Variants in ZNF875 observed in about 807,000 individuals in gnomAD.
ZNF875 encodes the protein HKR1, GLI-Kruppel zinc finger family member.
In ZNF875, 14 loss-of-function variants were observed where a neutral mutation model predicts 11.2. That is an observed-to-expected ratio of 1.26 (90% CI 0.83 to 1.96). The LOEUF (loss-of-function observed/expected upper bound fraction) is 1.96, where lower values mean the gene tolerates loss of function less well. ZNF875 is among the 30% of genes most tolerant of loss of function. ZNF875 has a pLI of 0.00. For synonymous variants in ZNF875, 301 were observed against 281.1 expected (o/e 1.07, Z -0.71); for missense variants, 752 against 760.4 (o/e 0.99, Z 0.13).
chr19:37,344,553 G>A (rs1409530020), intron 2 of ZNF875: 1 of 763,242 alleles, frequency 1.3e-6, no homozygotes, highest in South Asian at 1.5e-5. Context: ...GAATCCTACG[G>A]TAAGGCTTCT....
intron 2 of ZNF875, among the ~76,000 whole-genome samples, chr19:37,340,633 T>G (rs967255683): frequency 5.4e-4 from 82 of 151,018 alleles, no homozygotes; most frequent in Middle Eastern, 3.4e-3. Flanking sequence ...AGGGGAGTCA[T>G]CTTATGTGTA....
intron 4 of ZNF875, among the ~76,000 whole-genome samples, chr19:37,356,773 G>A (rs2038985024): frequency 1.3e-5 from 2 of 152,244 alleles, no homozygotes; most frequent in South Asian, 4.1e-4. Context: ...CATTCTGTAG[G>A]TTGTCTTTTT....
exon 1 of ZNF875, chr19:37,318,133 A>C (rs1369241441): frequency 1.3e-5 from 2 of 153,926 alleles, no homozygotes; most frequent in Non-Finnish European, 2.9e-5. Flanking sequence ...GGGCGCCCGC[A>C]CTGACTGTGA....
At chr19:37,315,564 A>G (rs1708985105), upstream of ZNF875, 1 of 152,140 alleles carries the variant, frequency 6.6e-6, no homozygotes, top group African/African-American at 2.4e-5. Flanking sequence ...AAAATTTAAA[A>G]TGTTCCCTCC....
At chr19:37,330,239 C>T (rs145273704), upstream of ZNF875, among the ~76,000 whole-genome samples, 3 of 152,280 alleles carry the variant, frequency 2.0e-5, no homozygotes, top group East Asian at 3.9e-4. Flanking sequence ...CTATCCATTA[C>T]CTCAAATACT....
chr19:37,315,908 A>T (rs1316356757), upstream of ZNF875, among the ~76,000 whole-genome samples: 4 of 152,142 alleles, frequency 2.6e-5, no homozygotes, highest in Non-Finnish European at 5.9e-5. Flanking sequence ...GGCTGAGGTG[A>T]ATGTGTAAGA....
intron 4 of ZNF875, among the ~76,000 whole-genome samples, chr19:37,360,651 C>CTTTCCTTTCCTTTTCTCT (rs368954837): frequency 9.8e-4 from 149 of 151,942 alleles, no homozygotes; most frequent in African/African-American, 3.3e-3. Context: ...TCTTTTCCTC[C>CTTTCCTTTCCTTTTCTCT]TTTCCTTTCC....
chr19:37,359,934 T>G (rs1383143766), intron 4 of ZNF875, among the ~76,000 whole-genome samples: 1 of 152,164 alleles, frequency 6.6e-6, no homozygotes, highest in Non-Finnish European at 1.5e-5. Flanking sequence ...AAATGCTGAT[T>G]AAGTTTAACT....
Position 37,345,565 on chromosome 19 carries a change from G to C in ZNF875, c.34-1625G>C, listed in dbSNP as rs372629300. Reference sequence around the variant, plus strand: ...GTACCTAAATGAATGACGCTGGTGAGGCAGTCTCCAATAGTGTGTTGCGGC... The same window carrying C: ...GTACCTAAATGAATGACGCTGGTGACGCAGTCTCCAATAGTGTGTTGCGGC... On this transcript the variant is annotated intron_variant, in intron 2 of 4. Transcript: ENST00000392153. Among the ~76,000 whole-genome samples, 14 of 152,258 alleles carry C rather than the reference G, an allele frequency of 9.2e-5. No homozygotes were observed. In the East Asian group the frequency reaches 1.7e-3, roughly 19 times the overall value.
chr19:37,356,004 G>A (rs1035974227), intron 4 of ZNF875, among the ~76,000 whole-genome samples: 1 of 152,068 alleles, frequency 6.6e-6, no homozygotes, highest in Non-Finnish European at 1.5e-5. Context: ...CCATTGTTTA[G>A]CTCCTACTTG....
At chr19:37,325,911 G>A (rs1450550811) in intron 4 of ZNF875, among the ~76,000 whole-genome samples, 2 of 152,088 alleles carry the variant, frequency 1.3e-5, no homozygotes, top group Admixed American at 6.6e-5. Flanking sequence ...GTTTCAGCAT[G>A]TTGTCCAGGC....
At chr19:37,320,618 G>T (rs902470087) in intron 1 of ZNF875, among the ~76,000 whole-genome samples, 1 of 152,302 alleles carries the variant, frequency 6.6e-6, no homozygotes, top group African/African-American at 2.4e-5. Flanking sequence ...TCTCTGTTCC[G>T]TGATGTCTGG....
At chr19:37,354,079 C>CA (rs2038428405) in intron 4 of ZNF875, among the ~76,000 whole-genome samples, 1 of 151,906 alleles carries the variant, frequency 6.6e-6, no homozygotes, top group African/African-American at 2.4e-5. Context: ...CATTTTTCTT[C>CA]AGTCTTTTTT....
At chr19:37,314,011 TTTTATTTA>T (rs976269313), upstream of ZNF875, among the ~76,000 whole-genome samples, 2 of 152,250 alleles carry the variant, frequency 1.3e-5, no homozygotes, top group African/African-American at 4.8e-5. Flanking sequence ...GGATGTGGGT[TTTTATTTA>T]TTTATTTATT....
At chr19:37,358,993 T>C (rs1253440239) in intron 4 of ZNF875, among the ~76,000 whole-genome samples, 1 of 151,850 alleles carries the variant, frequency 6.6e-6, no homozygotes, top group Non-Finnish European at 1.5e-5. Context: ...CTCTGCCTCC[T>C]GGGTTCAAGT....
chr19:37,341,444 T>G (rs1394939983), intron 2 of ZNF875, among the ~76,000 whole-genome samples: 1 of 152,164 alleles, frequency 6.6e-6, no homozygotes, highest in Non-Finnish European at 1.5e-5. Context: ...CTTGGTTCTC[T>G]TCCATGTGGG....
Position 37,362,403 on chromosome 19 carries a change from A to G in ZNF875, c.551A>G (p.Gln184Arg). 1 of 1,614,172 alleles carries G rather than the reference A, an allele frequency of 6.2e-7. No individual in the cohort carries two copies. Among genetic ancestry groups the G allele is most frequent in the Admixed American group, 1.7e-5 (1 of 60,022 alleles). The part of the protein sequence containing the change: ...SKALSSPPEE[Q>R]QPAQSKEDNT... ...GCACTTTCCAGCCCACCTGAAGAACAACAGCCAGCACAGTCCAAGGAAGAC... is the reference window on the plus strand; with the variant it reads ...GCACTTTCCAGCCCACCTGAAGAACGACAGCCAGCACAGTCCAAGGAAGAC... Residue 184 changes from glutamine (Q) to arginine (R), a missense_variant, in exon 5 of 5, where the codon CAA becomes CGA. Physicochemically the swap from Gln to Arg is conservative, Grantham distance 43. Transcript: ENST00000392153.
intron 4 of ZNF875, among the ~76,000 whole-genome samples, chr19:37,353,885 T>C (rs1426700165): frequency 1.3e-5 from 2 of 152,154 alleles, no homozygotes; most frequent in African/African-American, 4.8e-5. Flanking sequence ...ACTTAAGCAT[T>C]ATGAAGCTTC....
rs150628887 is a variant in ZNF875 at position 37,363,386 on chromosome 19, G to A, written c.1534G>A (p.Gly512Arg). Residue 512 changes from glycine (G) to arginine (R), a missense_variant, in exon 5 of 5, where the codon GGA becomes AGA. By Grantham distance (125) the Gly-to-Arg change is moderately radical. Transcript: ENST00000392153. The stretch of plus-strand genomic sequence containing the variant: ...GAAGCCATTTGTATGTGCTGAGTGT[G>A]GACGAGGCTTTAATGATAAGTCCAC... ...GEKPFVCAECGRGFNDKSTLI... is the reference protein window; with the variant it reads ...GEKPFVCAECRRGFNDKSTLI... 6,843 of 1,614,032 alleles carry A rather than the reference G, an allele frequency of 4.2e-3. 66 individuals are homozygous for A. Among genetic ancestry groups the A allele is most frequent in the South Asian group, 0.024 (2,189 of 91,078 alleles).
Sources: allele counts gnomAD v4.1 joint callset (sites outside exome capture counted in the v4.1 genomes callset), GRCh38; gene constraint gnomAD v4.1.1; transcripts MANE v1.5; gene names NCBI Gene and HGNC (gene_info 2026-07-23, HGNC 2026-07-21).